SEMA3A: variants seen among roughly 807,000 people sequenced by gnomAD.
The protein encoded by SEMA3A is semaphorin-3A.
SEMA3A carries 29 observed loss-of-function variants against 97.9 expected under a neutral mutation model. The observed-to-expected ratio is 0.30, with a 90% confidence interval of 0.22 to 0.40. The LOEUF (loss-of-function observed/expected upper bound fraction) is 0.40. Among genes scored for constraint, SEMA3A ranks in the 10% least tolerant of loss-of-function variants. The pLI, the probability that SEMA3A is intolerant of heterozygous loss-of-function variation, is 1.00. For missense variants in SEMA3A, 763 were observed against 951.3 expected (o/e 0.80, Z 2.60); for synonymous variants, 321 against 323.7 (o/e 0.99, Z 0.09).
chr7:84,410,378 C>T (rs1334156738), intron 1 of SEMA3A, among the ~76,000 whole-genome samples: 2 of 152,110 alleles, frequency 1.3e-5, no homozygotes, highest in African/African-American at 4.8e-5. Context: ...ATGTCAGCCT[C>T]ATGCCTACAT....
chr7:84,071,889 CTG>C (rs1357662049), intron 4 of SEMA3A, among the ~76,000 whole-genome samples: 2 of 152,010 alleles, frequency 1.3e-5, no homozygotes, highest in East Asian at 3.9e-4. Flanking sequence ...TTGGAAGAGA[CTG>C]TGGAAAAACT....
chr7:83,995,111 C>T (rs901683873), intron 12 of SEMA3A, among the ~76,000 whole-genome samples: 3 of 152,138 alleles, frequency 2.0e-5, no homozygotes, highest in South Asian at 4.1e-4. Flanking sequence ...TTCTTTGACT[C>T]GGAAAAGGAA....
At chr7:84,086,425 CATATT>C (rs946290593) in intron 4 of SEMA3A, among the ~76,000 whole-genome samples, 5 of 143,870 alleles carry the variant, frequency 3.5e-5, no homozygotes, top group Admixed American at 7.1e-5. Flanking sequence ...TTTAATATTT[CATATT>C]ATATTTATAT....
chr7:84,269,087 T>C (rs943745354), intron 3 of SEMA3A, among the ~76,000 whole-genome samples: 2 of 152,132 alleles, frequency 1.3e-5, no homozygotes, highest in African/African-American at 2.4e-5. Context: ...TTCTCCTTTC[T>C]CCCATCACTG....
At chr7:84,467,366 C>CA (rs1278827081) in intron 1 of SEMA3A, among the ~76,000 whole-genome samples, 1 of 151,422 alleles carries the variant, frequency 6.6e-6, no homozygotes, top group Non-Finnish European at 1.5e-5. Context: ...ACTAAAAATA[C>CA]AAAAAATTAG....
chr7:84,258,136 G>C (rs1427724575), intron 3 of SEMA3A, among the ~76,000 whole-genome samples: 4 of 152,038 alleles, frequency 2.6e-5, no homozygotes, highest in Non-Finnish European at 4.4e-5. Flanking sequence ...GCACATTACT[G>C]GTTCCCCTTT....
chr7:84,277,487 CT>C (rs1800334193), intron 3 of SEMA3A, among the ~76,000 whole-genome samples: 1 of 152,138 alleles, frequency 6.6e-6, no homozygotes, highest in East Asian at 1.9e-4. Context: ...GAAATCAGTG[CT>C]TCTTAAAAAA....
At chr7:84,204,294 G>T (rs1798433540) in intron 3 of SEMA3A, among the ~76,000 whole-genome samples, 4 of 152,144 alleles carry the variant, frequency 2.6e-5, no homozygotes, top group African/African-American at 7.2e-5. Flanking sequence ...ATAATTTGTA[G>T]CAATATAATA....
At chr7:83,982,736 CA>C (rs1458338815) in intron 13 of SEMA3A, among the ~76,000 whole-genome samples, 1 of 152,004 alleles carries the variant, frequency 6.6e-6, no homozygotes, top group Non-Finnish European at 1.5e-5. Flanking sequence ...TAATAGTTAA[CA>C]ATGAATATAA....
intron 3 of SEMA3A, among the ~76,000 whole-genome samples, chr7:84,111,339 A>G (rs1322483866): frequency 1.3e-5 from 2 of 152,166 alleles, no homozygotes; most frequent in African/African-American, 4.8e-5. Context: ...GTCATTCTCT[A>G]TGACTTGCCA....
chr7:84,458,950 A>G (rs1805755755), intron 1 of SEMA3A, among the ~76,000 whole-genome samples: 1 of 151,872 alleles, frequency 6.6e-6, no homozygotes, highest in African/African-American at 2.4e-5. Flanking sequence ...ACTCCTCTTC[A>G]TTCTCCTCTC....
intron 1 of SEMA3A, among the ~76,000 whole-genome samples, chr7:84,378,995 C>T (rs371606804): frequency 6.6e-6 from 1 of 151,942 alleles, no homozygotes; most frequent in South Asian, 2.1e-4. Flanking sequence ...GGCACAATCT[C>T]GGCTCACTTG....
At chr7:84,173,418 G>T (rs943144276) in intron 1 of SEMA3A, among the ~76,000 whole-genome samples, 2 of 151,898 alleles carry the variant, frequency 1.3e-5, no homozygotes, top group East Asian at 1.9e-4. Context: ...AATTAGCCAG[G>T]CGTGGTGGCG....
At chr7:84,351,989 G>A (rs921009635) in intron 2 of SEMA3A, among the ~76,000 whole-genome samples, 4 of 150,264 alleles carry the variant, frequency 2.7e-5, no homozygotes, top group African/African-American at 7.4e-5. Context: ...ATCAGCAGAT[G>A]AATGGATAAA....
At chr7:83,977,051 A>G (rs1310628608) in intron 15 of SEMA3A, 81 bp downstream of exon 15, 2 of 705,142 alleles carry the variant, frequency 2.8e-6, no homozygotes, top group African/African-American at 1.8e-5. Context: ...AGATGCATAC[A>G]TTGCATGCAT....
chr7:84,333,657 G>A lies in SEMA3A; in HGVS notation c.-168-26365C>T, dbSNP rs1239356423. 6.6e-5 allele frequency among the ~76,000 whole-genome samples: 10 copies of A among 152,126 alleles called. No individual in the cohort carries two copies. The East Asian group carries it at 1.9e-3, about 29-fold the overall frequency. On this transcript the variant is annotated intron_variant, in intron 2 of 3. Coordinates refer to the SEMA3A transcript ENST00000424555. ...AGTAAGAACATAATCTGGTAAATGT[G>A]CTAATTTTGAAATATTTTAAGGAAG...
intron 2 of SEMA3A, among the ~76,000 whole-genome samples, chr7:84,367,953 C>T (rs1311100818): frequency 6.6e-6 from 1 of 151,054 alleles, no homozygotes; most frequent in Non-Finnish European, 1.5e-5. Flanking sequence ...TCAGTAAATA[C>T]ATAATAATTT....
At chr7:84,357,703 A>G (rs1222128933) in intron 2 of SEMA3A, among the ~76,000 whole-genome samples, 1 of 151,822 alleles carries the variant, frequency 6.6e-6, no homozygotes. Flanking sequence ...TCCCTGAGGA[A>G]TCGCCACACT....
At chr7:84,320,819 T>C (rs1297758166) in intron 2 of SEMA3A, among the ~76,000 whole-genome samples, 1 of 152,166 alleles carries the variant, frequency 6.6e-6, no homozygotes, top group Non-Finnish European at 1.5e-5. Context: ...TGTGTTACAC[T>C]AGTGCAGGTT....
Sources: allele counts gnomAD v4.1 joint callset (sites outside exome capture counted in the v4.1 genomes callset), GRCh38; gene constraint gnomAD v4.1.1; transcripts MANE v1.5; gene names NCBI Gene and HGNC (gene_info 2026-07-23, HGNC 2026-07-21).